Variants in METTL25 observed in about 807,000 individuals in gnomAD.
METTL25 encodes the protein methyltransferase like 25, also known as probable methyltransferase-like protein 25.
Under a neutral mutation model 71.6 loss-of-function variants are expected in METTL25, and 64 were observed. That is an observed-to-expected ratio of 0.89 (90% CI 0.73 to 1.10). The LOEUF is 1.10. Ranked by LOEUF, METTL25 falls within the 50% of genes least tolerant of loss-of-function variation. The probability of loss-of-function intolerance (pLI) is 0.00; values close to 1 mark genes in which losing one functional copy is unlikely to be tolerated. For synonymous variants in METTL25, 287 were observed against 250.3 expected (o/e 1.15, Z -1.38); for missense variants, 807 against 707.0 (o/e 1.14, Z -1.60).
intron 8 of METTL25, among the ~76,000 whole-genome samples, chr12:82,450,650 GC>G (rs1239082766): frequency 6.6e-6 from 1 of 152,092 alleles, no homozygotes; most frequent in Non-Finnish European, 1.5e-5. Flanking sequence ...GATCTGCAAA[GC>G]CTTATGTCAT....
chr12:82,422,086 C>G (rs910135727), intron 5 of METTL25, among the ~76,000 whole-genome samples: 3 of 152,034 alleles, frequency 2.0e-5, no homozygotes, highest in Non-Finnish European at 2.9e-5. Context: ...CTGGCAGAGA[C>G]ACAACAAAAA....
chr12:82,385,478 T>G (rs1181152941), intron 1 of METTL25, among the ~76,000 whole-genome samples: 1 of 152,186 alleles, frequency 6.6e-6, no homozygotes, highest in African/African-American at 2.4e-5. Context: ...ATTTAAGCCT[T>G]TAAGATGTGT....
At chr12:82,443,471 A>G (rs1000819527) in intron 8 of METTL25, among the ~76,000 whole-genome samples, 1 of 151,244 alleles carries the variant, frequency 6.6e-6, no homozygotes, top group Non-Finnish European at 1.5e-5. Context: ...CCAAAAAAAA[A>G]AAAAAAAAGA....
intron 8 of METTL25, among the ~76,000 whole-genome samples, chr12:82,441,832 C>CACACACACACACACACAG: frequency 6.7e-6 from 1 of 148,536 alleles, no homozygotes; most frequent in African/African-American, 2.5e-5. Flanking sequence ...CACACACACA[C>CACACACACACACACACAG]AGAAAAACCT....
chr12:82,391,724 CTTTT>C (rs58065185), intron 3 of METTL25, among the ~76,000 whole-genome samples: 2 of 125,528 alleles, frequency 1.6e-5, no homozygotes, highest in Non-Finnish European at 3.5e-5. Context: ...TACTGATTTC[CTTTT>C]TTTTTTTTTT....
intron 1 of METTL25, among the ~76,000 whole-genome samples, chr12:82,365,781 T>G (rs1882492697): frequency 7.0e-6 from 1 of 143,774 alleles, no homozygotes; most frequent in Non-Finnish European, 1.6e-5. Context: ...TTGCTGAAAA[T>G]TTTAAGAATA....
At chr12:82,385,126 G>A (rs567475372) in intron 1 of METTL25, among the ~76,000 whole-genome samples, 1 of 152,130 alleles carries the variant, frequency 6.6e-6, no homozygotes, top group South Asian at 2.1e-4. Context: ...ATGTTTAGTT[G>A]ATTCAGAAAT....
intron 9 of METTL25, among the ~76,000 whole-genome samples, chr12:82,464,427 C>T (rs935236784): frequency 2.0e-5 from 3 of 151,698 alleles, no homozygotes. Context: ...ACTGCAGACA[C>T]ATGGATTTAT....
intron 1 of METTL25, among the ~76,000 whole-genome samples, chr12:82,359,923 G>A (rs891405813): frequency 8.5e-5 from 13 of 152,180 alleles, no homozygotes; most frequent in African/African-American, 2.4e-4. Flanking sequence ...GTTTTTTTAA[G>A]TAATTGTTAT....
At chr12:82,434,090 C>T (rs538616140) in intron 6 of METTL25, among the ~76,000 whole-genome samples, 46 of 150,524 alleles carry the variant, frequency 3.1e-4, no homozygotes, top group Non-Finnish European at 5.9e-4. Flanking sequence ...ATGCAAAAAC[C>T]AGTGTATATA....
intron 8 of METTL25, among the ~76,000 whole-genome samples, chr12:82,443,480 GAAAA>G (rs1321889277): frequency 7.0e-5 from 9 of 129,466 alleles, no homozygotes; most frequent in African/African-American, 2.0e-4. Context: ...AAAAAAAAAA[GAAAA>G]AAAAGAATGC....
chr12:82,470,694 G>A (rs1892520766), intron 9 of METTL25, among the ~76,000 whole-genome samples: 1 of 152,160 alleles, frequency 6.6e-6, no homozygotes, highest in Admixed American at 6.5e-5. Context: ...TTCTAAACTT[G>A]TAAATGCCTT....
intron 5 of METTL25, among the ~76,000 whole-genome samples, chr12:82,415,531 C>T (rs1477571106): frequency 3.9e-5 from 6 of 152,082 alleles, no homozygotes; most frequent in Non-Finnish European, 8.8e-5. Context: ...AGTATGCTCT[C>T]TACAGGCTGG....
chr12:82,446,411 A>G (rs2137216681), intron 8 of METTL25, among the ~76,000 whole-genome samples: 2 of 152,206 alleles, frequency 1.3e-5, no homozygotes, highest in South Asian at 4.2e-4. Flanking sequence ...CCAGGATCAT[A>G]TGTTAGCCAC....
intron 5 of METTL25, among the ~76,000 whole-genome samples, chr12:82,422,922 C>T (rs1434169485): frequency 2.0e-5 from 3 of 152,184 alleles, no homozygotes; most frequent in African/African-American, 7.2e-5. Context: ...GAAGAACATT[C>T]CATGCTCATG....
At chr12:82,380,487 A>T (rs1884334516) in intron 1 of METTL25, among the ~76,000 whole-genome samples, 1 of 152,210 alleles carries the variant, frequency 6.6e-6, no homozygotes, top group African/African-American at 2.4e-5. Flanking sequence ...ATATGAATGT[A>T]CATGTATATG....
chr12:82,471,940 G>A lies in METTL25; in HGVS notation c.1573-4704G>A, dbSNP rs555106453. ...CGTAAAAAATTGTCAATAACTGAGA[G>A]AGAGAATAGATAAGAGGGAGAAAGG... On this transcript the variant is annotated intron_variant, in intron 9 of 11. Transcript: ENST00000248306. Among the ~76,000 whole-genome samples the A allele has an allele frequency of 2.6e-5, 4 of 152,254 alleles. No homozygotes were observed. The East Asian group carries it at 7.7e-4, about 29-fold the overall frequency.
chr12:82,387,217 TC>T (rs1440152373), intron 2 of METTL25, among the ~76,000 whole-genome samples: 2 of 152,070 alleles, frequency 1.3e-5, no homozygotes, highest in Non-Finnish European at 2.9e-5. Flanking sequence ...TGCAGATAGT[TC>T]CTGCCCCTCA....
chr12:82,367,810 C>T (rs1882732369), intron 1 of METTL25, among the ~76,000 whole-genome samples: 1 of 152,088 alleles, frequency 6.6e-6, no homozygotes, highest in African/African-American at 2.4e-5. Flanking sequence ...TCAGCTGGAA[C>T]TTGGCTACTA....
Sources: allele counts gnomAD v4.1 joint callset (sites outside exome capture counted in the v4.1 genomes callset), GRCh38; gene constraint gnomAD v4.1.1; transcripts MANE v1.5; gene names NCBI Gene and HGNC (gene_info 2026-07-23, HGNC 2026-07-21).